Variants in ADAMTS19 observed in about 807,000 individuals in gnomAD.
ADAMTS19 encodes the protein A disintegrin and metalloproteinase with thrombospondin motifs 19.
In ADAMTS19, 93 loss-of-function variants were observed where a neutral mutation model predicts 153.3. The ratio of observed to expected loss-of-function variants is 0.61; its 90% CI spans 0.51 to 0.72. The LOEUF (loss-of-function observed/expected upper bound fraction) is 0.72. Ranked by LOEUF, ADAMTS19 falls within the 30% of genes least tolerant of loss-of-function variation. The probability of loss-of-function intolerance (pLI) is 0.00; values close to 1 mark genes in which losing one functional copy is unlikely to be tolerated. For synonymous variants in ADAMTS19, 600 were observed against 556.6 expected (o/e 1.08, Z -1.10); for missense variants, 1,482 against 1,552.1 (o/e 0.95, Z 0.76).
chr5:129,549,952 ATATG>A (rs763122906), intron 6 of ADAMTS19, among the ~76,000 whole-genome samples: 6 of 132,316 alleles, frequency 4.5e-5, no homozygotes, highest in Non-Finnish European at 6.5e-5. Context: ...ATGTATCTGT[ATATG>A]TATGTATCTA....
intron 18 of ADAMTS19, among the ~76,000 whole-genome samples, chr5:129,684,828 A>C (rs1486427874): frequency 2.6e-5 from 4 of 152,108 alleles, no homozygotes; most frequent in Admixed American, 2.6e-4. Context: ...TCTACAAAAA[A>C]TACAAAAAAT....
chr5:129,729,511 A>T (rs772692530), intron 21 of ADAMTS19, among the ~76,000 whole-genome samples: 8 of 152,020 alleles, frequency 5.3e-5, no homozygotes, highest in South Asian at 2.1e-4. Context: ...AGGCTAAAAG[A>T]TTATTTATTT....
intron 14 of ADAMTS19, among the ~76,000 whole-genome samples, chr5:129,655,367 C>T (rs1753501200): frequency 6.6e-6 from 1 of 152,144 alleles, no homozygotes; most frequent in Non-Finnish European, 1.5e-5. Context: ...AGCAGGTTTC[C>T]TTAGTCTAGA....
chr5:129,475,302 G>C (rs143935666), intron 2 of ADAMTS19, among the ~76,000 whole-genome samples: 2,094 of 152,202 alleles, frequency 0.014, 43 homozygotes, highest in African/African-American at 0.046. Context: ...TACTTCTCCA[G>C]TGGTATCTCA....
chr5:129,602,354 G>A (rs184765504), intron 8 of ADAMTS19, among the ~76,000 whole-genome samples: 4 of 152,136 alleles, frequency 2.6e-5, no homozygotes, highest in Admixed American at 1.3e-4. Flanking sequence ...GCCTCCCAAC[G>A]TGCTGGGATT....
chr5:129,549,872 GTATA>G (rs10542939), intron 6 of ADAMTS19, among the ~76,000 whole-genome samples: 28 of 46,414 alleles, frequency 6.0e-4, no homozygotes, highest in African/African-American at 5.2e-3. Context: ...ATCCGTATAT[GTATA>G]TATGTATCTA....
chr5:129,705,284 G>A (rs1477557667), intron 21 of ADAMTS19, among the ~76,000 whole-genome samples: 1 of 152,006 alleles, frequency 6.6e-6, no homozygotes, highest in African/African-American at 2.4e-5. Flanking sequence ...TGGCTGCTGG[G>A]GTATGGAGAG....
intron 8 of ADAMTS19, among the ~76,000 whole-genome samples, chr5:129,619,323 G>T (rs1051282813): frequency 8.6e-5 from 13 of 151,894 alleles, no homozygotes; most frequent in Non-Finnish European, 1.8e-4. Flanking sequence ...CTTCTCATCT[G>T]CAAAATGCAT....
chr5:129,646,217 G>T (rs950003904), intron 11 of ADAMTS19, among the ~76,000 whole-genome samples: 1 of 152,000 alleles, frequency 6.6e-6, no homozygotes, highest in African/African-American at 2.4e-5. Context: ...CTGCATCTTT[G>T]TACAAAATCC....
At chr5:129,477,118 G>A (rs939281784) in intron 2 of ADAMTS19, among the ~76,000 whole-genome samples, 2 of 152,074 alleles carry the variant, frequency 1.3e-5, no homozygotes, top group Non-Finnish European at 2.9e-5. Flanking sequence ...TAAGTTGACT[G>A]TAGGTGAAGA....
rs781730351 is a variant in ADAMTS19 at position 129,623,534 on chromosome 5, A to G, written c.1770+1186A>G. 2.6e-5 allele frequency among the ~76,000 whole-genome samples: 4 copies of G among 152,334 alleles called. No homozygotes were observed. The South Asian group carries it at 8.3e-4, about 32-fold the overall frequency. ...GTTGAGGATAATGCTGTTTTGGGTA[A>G]CTGTCAGCATAATTAAGATGCTTTA... On this transcript the variant is annotated intron_variant, in intron 10 of 22. Transcript: ENST00000274487.
intron 7 of ADAMTS19, among the ~76,000 whole-genome samples, chr5:129,577,963 CTTTT>C (rs1749234223): frequency 2.0e-5 from 3 of 147,522 alleles, no homozygotes; most frequent in Non-Finnish European, 4.5e-5. Context: ...TTTTTACTTC[CTTTT>C]ATTTTTTTAA....
intron 6 of ADAMTS19, among the ~76,000 whole-genome samples, chr5:129,545,115 A>C (rs1025253604): frequency 3.9e-5 from 6 of 152,282 alleles, no homozygotes; most frequent in African/African-American, 1.4e-4. Context: ...TTTAAAAAGT[A>C]CTAACAGGGA....
rs574381191 is a variant in ADAMTS19, at chr5:129,677,105, A to C, written c.2507-2659A>C. 2.8e-4 allele frequency among the ~76,000 whole-genome samples: 43 copies of C among 152,318 alleles called. No homozygotes were observed. In the South Asian group the frequency reaches 4.8e-3, roughly 17 times the overall value. ...AATTTACCTTTTAGGAAAAATCATT[A>C]ATTATTTTATCAATTTAGCATGATC... On this transcript the variant is annotated intron_variant, in intron 16 of 22. Transcript: ENST00000274487.
chr5:129,574,479 G>A (rs777351215), intron 7 of ADAMTS19, among the ~76,000 whole-genome samples: 108 of 151,922 alleles, frequency 7.1e-4, no homozygotes, highest in Admixed American at 1.8e-3. Context: ...GTGTCAATGT[G>A]TTCTCATTGT....
At chr5:129,697,406 A>G (rs1755609959) in intron 19 of ADAMTS19, among the ~76,000 whole-genome samples, 1 of 152,210 alleles carries the variant, frequency 6.6e-6, no homozygotes, top group Non-Finnish European at 1.5e-5. Context: ...CTGATTATCA[A>G]CTTTTCCTGT....
At chr5:129,628,535 C>T (rs1416904139) in intron 10 of ADAMTS19, among the ~76,000 whole-genome samples, 3 of 151,768 alleles carry the variant, frequency 2.0e-5, no homozygotes, top group Non-Finnish European at 4.4e-5. Flanking sequence ...ATATTTTTTC[C>T]CAAAGGGTTT....
At chr5:129,674,541 T>C (rs1009478092) in intron 16 of ADAMTS19, among the ~76,000 whole-genome samples, 6 of 152,198 alleles carry the variant, frequency 3.9e-5, no homozygotes, top group African/African-American at 1.4e-4. Context: ...TTTACTTGCT[T>C]ATTAGCTATA....
intron 4 of ADAMTS19, 116 bp downstream of exon 4, chr5:129,526,572 T>C (rs1752016185): frequency 1.0e-6 from 1 of 999,462 alleles, no homozygotes; most frequent in Non-Finnish European, 1.4e-6. Flanking sequence ...CTTTCTCTTA[T>C]TGTCATCAGT....
Sources: allele counts gnomAD v4.1 joint callset (sites outside exome capture counted in the v4.1 genomes callset), GRCh38; gene constraint gnomAD v4.1.1; transcripts MANE v1.5; gene names NCBI Gene and HGNC (gene_info 2026-07-23, HGNC 2026-07-21).